The following RAI14 variants were observed in gnomAD, a reference collection of about 807,000 sequenced individuals.
RAI14 encodes retinoic acid induced 14, also known as ankycorbin.
Under a neutral mutation model 115.4 loss-of-function variants are expected in RAI14, and 45 were observed. That is an observed-to-expected ratio of 0.39 (90% CI 0.31 to 0.50). RAI14 has a LOEUF of 0.50. Ranked by LOEUF, RAI14 falls within the 20% of genes least tolerant of loss-of-function variation. The pLI is 0.85. For missense variants in RAI14, 939 were observed against 1,131.2 expected, an observed-to-expected ratio of 0.83 and a Z score of 2.44; for synonymous variants, 371 against 415.4, an observed-to-expected ratio of 0.89 and a Z score of 1.30.
At chr5:34,664,614 AATTT>A (rs1251048938) in intron 1 of RAI14, among the ~76,000 whole-genome samples, 3 of 151,996 alleles carry the variant, frequency 2.0e-5, no homozygotes, top group East Asian at 1.9e-4. Flanking sequence ...TTGCTTAATT[AATTT>A]ATTTATTAAA....
chr5:34,721,380 T>C (rs1288914449), intron 2 of RAI14, among the ~76,000 whole-genome samples: 1 of 150,554 alleles, frequency 6.6e-6, no homozygotes, highest in East Asian at 1.9e-4. Context: ...CATATATTTA[T>C]GTACATAAAT....
intron 3 of RAI14, among the ~76,000 whole-genome samples, chr5:34,781,947 T>A (rs1055625108): frequency 7.9e-5 from 12 of 152,256 alleles, no homozygotes; most frequent in African/African-American, 2.9e-4. Flanking sequence ...AAGCCAGTCA[T>A]GAGATTTACT....
chr5:34,799,287 C>T (rs1332311091), intron 4 of RAI14, among the ~76,000 whole-genome samples: 1 of 152,122 alleles, frequency 6.6e-6, no homozygotes, highest in African/African-American at 2.4e-5. Context: ...TAGTCCTAAA[C>T]GTTTGTTGTG....
intron 1 of RAI14, among the ~76,000 whole-genome samples, chr5:34,678,744 T>C (rs112761984): frequency 1.2e-4 from 19 of 152,270 alleles, no homozygotes; most frequent in African/African-American, 4.6e-4. Flanking sequence ...CTCCCTCTTC[T>C]CACTCCATTC....
intron 2 of RAI14, chr5:34,687,427 C>T: frequency 3.5e-6 from 2 of 575,524 alleles, no homozygotes; most frequent in East Asian, 7.7e-5. Flanking sequence ...CTACTGCTGC[C>T]CGTACCTTTC....
intron 2 of RAI14, among the ~76,000 whole-genome samples, chr5:34,720,480 G>A (rs1270084904): frequency 1.4e-5 from 2 of 142,540 alleles, no homozygotes; most frequent in African/African-American, 2.7e-5. Flanking sequence ...GCGCAATCTC[G>A]GCTCACTGGA....
chr5:34,794,466 C>T (rs1753274009), intron 3 of RAI14, among the ~76,000 whole-genome samples: 1 of 152,146 alleles, frequency 6.6e-6, no homozygotes, highest in Non-Finnish European at 1.5e-5. Context: ...ACTCCCAAAT[C>T]ATTGTATGCA....
At chr5:34,756,303 A>G (rs906600931) in intron 2 of RAI14, among the ~76,000 whole-genome samples, 16 of 152,134 alleles carry the variant, frequency 1.1e-4, no homozygotes, top group African/African-American at 3.6e-4. Flanking sequence ...AATCTACAAT[A>G]TCTCCTCTGT....
rs112243025 is a variant in RAI14, at chr5:34,759,170, G to A, written c.167+1572G>A. On this transcript the variant is annotated intron_variant, in intron 3 of 17. Coordinates refer to ENST00000265109, the MANE Select transcript of RAI14 (RefSeq NM_015577.3). Reference sequence around the variant, plus strand: ...CTCAGCTACTTGGGAGGCTGAGGCAGGAGAATTGCTTGAACCTAGGAGGCG... The same window carrying A: ...CTCAGCTACTTGGGAGGCTGAGGCAAGAGAATTGCTTGAACCTAGGAGGCG... Among the ~76,000 whole-genome samples, 136 of 152,252 alleles carry A rather than the reference G, an allele frequency of 8.9e-4. 1 individual carries two copies. The highest frequency in any genetic ancestry group is 3.0e-3 in the African/African-American group (126 of 41,550).
At chr5:34,676,390 C>T (rs1743976999) in intron 1 of RAI14, among the ~76,000 whole-genome samples, 1 of 152,166 alleles carries the variant, frequency 6.6e-6, no homozygotes, top group Admixed American at 6.5e-5. Context: ...TTTTAGAGAT[C>T]ATCTTAAAAA....
chr5:34,792,961 A>C (rs1287629596), intron 3 of RAI14, among the ~76,000 whole-genome samples: 3 of 152,314 alleles, frequency 2.0e-5, no homozygotes, highest in African/African-American at 7.2e-5. Context: ...ATAGAGAAAA[A>C]AAGTCACTTA....
rs138214721 is a variant in RAI14, at chr5:34,729,345, T to C, written c.37-28123T>C. Among the ~76,000 whole-genome samples the C allele has an allele frequency of 4.1e-3, 622 of 152,268 alleles. 2 individuals are homozygous for C. The highest frequency in any genetic ancestry group is 0.014 in the African/African-American group (598 of 41,556). On this transcript the variant is annotated intron_variant, in intron 2 of 17. Transcript: ENST00000265109. ...GCCTGAGTGACAGAGCAAGTGCCTGTCTATACACACACACACAAGCTGAAG... is the reference window on the plus strand; with the variant it reads ...GCCTGAGTGACAGAGCAAGTGCCTGCCTATACACACACACACAAGCTGAAG...
chr5:34,674,090 C>T (rs1221478212), intron 1 of RAI14, among the ~76,000 whole-genome samples: 1 of 152,032 alleles, frequency 6.6e-6, no homozygotes, highest in Non-Finnish European at 1.5e-5. Context: ...AGCCAGCACC[C>T]CCTCTCTGTT....
intron 4 of RAI14, among the ~76,000 whole-genome samples, chr5:34,801,006 G>A (rs539021098): frequency 5.9e-5 from 9 of 152,326 alleles, no homozygotes; most frequent in Admixed American, 3.3e-4. Context: ...TGGTTGGAGG[G>A]CCAAGCTACT....
intron 2 of RAI14, among the ~76,000 whole-genome samples, chr5:34,704,529 C>T (rs1740449853): frequency 6.6e-6 from 1 of 152,138 alleles, no homozygotes; most frequent in Admixed American, 6.5e-5. Context: ...GTTCTGTTTC[C>T]TTATCAGCAA....
rs1276036695 is a variant in RAI14, at chr5:34,732,471, C to T, written c.37-24997C>T. ...TTTTTTTTTTTTTGACAGAGTCTTG[C>T]TCTGTCACTCAGGCTAGAGTACAGT... On this transcript the variant is annotated intron_variant, in intron 2 of 17. Transcript: ENST00000265109. Among the ~76,000 whole-genome samples the T allele has an allele frequency of 2.9e-5, 4 of 138,554 alleles. No individual in the cohort carries two copies. The East Asian group carries it at 8.3e-4, about 29-fold the overall frequency. 90.9% of individuals were successfully genotyped at this position (138,554 alleles called of 152,430 possible). A position where few individuals can be genotyped will look rare whatever the true frequency, so the allele number is the denominator to read the frequency against.
intron 3 of RAI14, among the ~76,000 whole-genome samples, chr5:34,773,240 C>G (rs571427395): frequency 6.6e-6 from 1 of 152,064 alleles, no homozygotes; most frequent in African/African-American, 2.4e-5. Context: ...CTCCTCTCTC[C>G]CTATATACAA....
chr5:34,749,653 G>A (rs1290584112), intron 2 of RAI14, among the ~76,000 whole-genome samples: 1 of 152,210 alleles, frequency 6.6e-6, no homozygotes, highest in Non-Finnish European at 1.5e-5. Context: ...TGATGAATAG[G>A]AAACTTACCG....
chr5:34,665,846 C>G (rs555445287), intron 1 of RAI14, among the ~76,000 whole-genome samples: 3 of 152,118 alleles, frequency 2.0e-5, no homozygotes, highest in African/African-American at 7.2e-5. Flanking sequence ...ACCCACAGTT[C>G]GAAAACCTAT....
Sources: allele counts gnomAD v4.1 joint callset (sites outside exome capture counted in the v4.1 genomes callset), GRCh38; gene constraint gnomAD v4.1.1; transcripts MANE v1.5; gene names NCBI Gene and HGNC (gene_info 2026-07-23, HGNC 2026-07-21).